Variants in ITGA1 observed in about 807,000 individuals in gnomAD.
ITGA1 encodes integrin subunit alpha 1, also known as integrin alpha-1.
Under a neutral mutation model 145.9 loss-of-function variants are expected in ITGA1, and 85 were observed. The observed-to-expected ratio is 0.58, with a 90% CI of 0.49 to 0.70. The LOEUF is 0.70. Ranked by LOEUF, ITGA1 falls within the 30% of genes least tolerant of loss-of-function variation. The pLI is 0.00. For synonymous variants in ITGA1, 520 were observed against 495.3 expected (o/e 1.05, Z -0.66); for missense variants, 1,351 against 1,418.7 (o/e 0.95, Z 0.77).
rs1413863804 is a variant in ITGA1, at chr5:52,916,175, A to T, written c.1988+581A>T. 2.0e-5 allele frequency among the ~76,000 whole-genome samples: 3 copies of T among 152,210 alleles called. No individual in the cohort carries two copies. In the East Asian group the frequency reaches 5.8e-4, roughly 29 times the overall value. On this transcript the variant is annotated intron_variant, in intron 15 of 28. Coordinates refer to ENST00000282588, the MANE Select transcript of ITGA1 (RefSeq NM_181501.2). Reference sequence around the variant, plus strand: ...TAGTAGGCAAAAATAATTATTGCTTACTAAATATCCTATCTCAAAAACTAA... The same window carrying T: ...TAGTAGGCAAAAATAATTATTGCTTTCTAAATATCCTATCTCAAAAACTAA...
chr5:52,884,818 T>A (rs1300490885), intron 7 of ITGA1, among the ~76,000 whole-genome samples: 1 of 152,220 alleles, frequency 6.6e-6, no homozygotes, highest in Non-Finnish European at 1.5e-5. Flanking sequence ...CATCGACCAG[T>A]TATCTGACAT....
chr5:52,800,752 G>A (rs548469886), intron 1 of ITGA1: 2 of 1,614,264 alleles, frequency 1.2e-6, no homozygotes, highest in African/African-American at 1.3e-5. Flanking sequence ...GTGGGATAGT[G>A]TGGTACTGGA....
intron 7 of ITGA1, among the ~76,000 whole-genome samples, chr5:52,886,892 C>A (rs1055637830): frequency 1.3e-5 from 2 of 152,174 alleles, no homozygotes; most frequent in African/African-American, 2.4e-5. Context: ...CATTCTCCTG[C>A]CTCAGCCTCC....
chr5:52,864,807 A>G lies in ITGA1; in HGVS notation c.340A>G (p.Thr114Ala), dbSNP rs1421610548. The G allele has an allele frequency of 1.2e-6, 2 of 1,612,768 alleles. No individual in the cohort carries two copies. The highest frequency in any genetic ancestry group is 1.7e-6 in the Non-Finnish European group (2 of 1,179,110). ...PNVTEVKENM[T>A]FGSTLVTNPN... ...TGTCACAGAAGTAAAGGAGAACATG[A>G]CATTTGGATCAACTTTAGTCACCAA... Residue 114 changes from threonine (T) to alanine (A), a missense_variant, in exon 4 of 29, where the codon ACA becomes GCA. Coordinates refer to ENST00000282588, the MANE Select transcript of ITGA1 (RefSeq NM_181501.2).
chr5:52,825,919 GAAAAAA>G (rs33949308), intron 1 of ITGA1, among the ~76,000 whole-genome samples: 1 of 124,548 alleles, frequency 8.0e-6, no homozygotes, highest in Non-Finnish European at 1.7e-5. Context: ...CTCTGTCAAA[GAAAAAA>G]AAAAAAAAAA....
intron 1 of ITGA1, among the ~76,000 whole-genome samples, chr5:52,794,178 T>A (rs2111646317): frequency 6.6e-6 from 1 of 152,096 alleles, no homozygotes; most frequent in East Asian, 1.9e-4. Flanking sequence ...AAGGAGTGGA[T>A]ACACATACTC....
chr5:52,881,119 G>C (rs916180811), intron 6 of ITGA1, among the ~76,000 whole-genome samples: 2 of 152,164 alleles, frequency 1.3e-5, no homozygotes, highest in Non-Finnish European at 2.9e-5. Flanking sequence ...AAGGAAAGAA[G>C]GTGGAGTTGG....
At chr5:52,888,920 G>A (rs1579699670) in intron 8 of ITGA1, among the ~76,000 whole-genome samples, 1 of 152,150 alleles carries the variant, frequency 6.6e-6, no homozygotes, top group Admixed American at 6.5e-5. Flanking sequence ...GATGGTCACT[G>A]ATACTCCCCA....
At chr5:52,952,258 A>T (rs1489600334) in intron 28 of ITGA1, 149 bp from the exon 29 acceptor site, 5 of 438,592 alleles carry the variant, frequency 1.1e-5, no homozygotes, top group African/African-American at 8.3e-5. Flanking sequence ...TTGAATATTA[A>T]TAGGTCAATG....
At chr5:52,852,386 G>C (rs909013355) in intron 2 of ITGA1, among the ~76,000 whole-genome samples, 1 of 152,104 alleles carries the variant, frequency 6.6e-6, no homozygotes, top group Non-Finnish European at 1.5e-5. Flanking sequence ...ACTATAATCT[G>C]GTACTTAAGG....
chr5:52,924,256 A>G (rs1037777142), intron 18 of ITGA1, among the ~76,000 whole-genome samples: 4 of 152,178 alleles, frequency 2.6e-5, no homozygotes, highest in African/African-American at 9.7e-5. Context: ...AGCATATGCT[A>G]TGGAGGAGGA....
chr5:52,865,418 T>C (rs963573394), intron 5 of ITGA1, among the ~76,000 whole-genome samples: 3 of 152,238 alleles, frequency 2.0e-5, no homozygotes, highest in African/African-American at 7.2e-5. Context: ...ATAAAATTCA[T>C]ATTGAGAAAA....
chr5:52,955,782 C>G lies in ITGA1; in HGVS notation c.*3331C>G, dbSNP rs1751294910. The stretch of plus-strand genomic sequence containing the variant: ...AACTTCATTGGTCCAATTTGTCAAA[C>G]TATTTTCCTCTGAGCACTAGATTCA... On this transcript the variant is annotated 3_prime_UTR_variant, in exon 29 of 29. Transcript: ENST00000282588. 1 of 152,138 alleles carries G rather than the reference C, an allele frequency of 6.6e-6. No homozygotes were observed. The allele number at this position is 152,138 out of a possible 1,614,324, so 9.4% of individuals were successfully genotyped here.
At chr5:52,913,980 G>A (rs1220984507) in intron 14 of ITGA1, among the ~76,000 whole-genome samples, 1 of 152,182 alleles carries the variant, frequency 6.6e-6, no homozygotes, top group African/African-American at 2.4e-5. Context: ...GGAAATGCAG[G>A]AAGAGAGTTC....
intron 9 of ITGA1, among the ~76,000 whole-genome samples, chr5:52,894,041 C>T (rs1402769358): frequency 6.6e-6 from 1 of 151,618 alleles, no homozygotes; most frequent in Non-Finnish European, 1.5e-5. Context: ...CTGCTAGAGA[C>T]TCTCTTTGTA....
intron 1 of ITGA1, among the ~76,000 whole-genome samples, chr5:52,841,486 T>C (rs1157986910): frequency 6.6e-6 from 1 of 152,184 alleles, no homozygotes; most frequent in African/African-American, 2.4e-5. Flanking sequence ...TCAAACCAAC[T>C]AGAATGATGT....
At chr5:52,932,023 C>T (rs752888080) in intron 21 of ITGA1, 24 bp from the exon 22 acceptor site, 33 of 1,380,052 alleles carry the variant, frequency 2.4e-5, no homozygotes, top group Non-Finnish European at 2.5e-5. Context: ...AATGGTTTGT[C>T]TGAATGTGCC....
At chr5:52,923,094 G>A (rs1200969061) in intron 18 of ITGA1, among the ~76,000 whole-genome samples, 1 of 152,178 alleles carries the variant, frequency 6.6e-6, no homozygotes, top group African/African-American at 2.4e-5. Context: ...TTCAAGCTGT[G>A]AAAACCTGGG....
At chr5:52,907,479 G>GA (rs1256931972) in intron 12 of ITGA1, among the ~76,000 whole-genome samples, 2 of 152,122 alleles carry the variant, frequency 1.3e-5, no homozygotes, top group African/African-American at 4.8e-5. Context: ...ATTTGCATAT[G>GA]AAAGTTGAGG....
Sources: allele counts gnomAD v4.1 joint callset (sites outside exome capture counted in the v4.1 genomes callset), GRCh38; gene constraint gnomAD v4.1.1; transcripts MANE v1.5; gene names NCBI Gene and HGNC (gene_info 2026-07-23, HGNC 2026-07-21).